ADGRB3: variants seen among roughly 807,000 people sequenced by gnomAD.
The protein encoded by ADGRB3 is brain-specific angiogenesis inhibitor 3.
ADGRB3 carries 37 observed loss-of-function variants against 193.4 expected under a neutral mutation model. The observed-to-expected ratio is 0.19, with a 90% confidence interval of 0.15 to 0.25. ADGRB3 has a LOEUF of 0.25. Among genes scored for constraint, ADGRB3 ranks in the 10% least tolerant of loss-of-function variants. The pLI is 1.00. For missense variants in ADGRB3, 1,637 were observed against 1,852.9 expected (o/e 0.88, Z 2.14); for synonymous variants, 690 against 644.2 (o/e 1.07, Z -1.08).
chr6:69,156,123 A>G (rs73467770), intron 17 of ADGRB3, among the ~76,000 whole-genome samples: 3,303 of 152,324 alleles, frequency 0.022, 121 homozygotes, highest in African/African-American at 0.071. Flanking sequence ...TTTTACATAA[A>G]TGAGAAACTT....
intron 17 of ADGRB3, among the ~76,000 whole-genome samples, chr6:69,089,935 T>C (rs999625682): frequency 1.3e-5 from 2 of 152,192 alleles, no homozygotes; most frequent in African/African-American, 4.8e-5. Flanking sequence ...GAACCATTGA[T>C]ATAGGGGAAC....
intron 17 of ADGRB3, among the ~76,000 whole-genome samples, chr6:69,200,969 T>C (rs918414648): frequency 1.3e-5 from 2 of 152,150 alleles, no homozygotes; most frequent in African/African-American, 4.8e-5. Flanking sequence ...AAAATAAATT[T>C]ATTTAATAAG....
chr6:69,006,087 C>CTCTTTAGAGA (rs1769741309), intron 11 of ADGRB3, among the ~76,000 whole-genome samples: 1 of 151,754 alleles, frequency 6.6e-6, no homozygotes, highest in Non-Finnish European at 1.5e-5. Flanking sequence ...ACCTAGAGCA[C>CTCTTTAGAGA]TCTTTAGAGA....
At chr6:69,288,689 G>A (rs551677823) in intron 20 of ADGRB3, among the ~76,000 whole-genome samples, 18 of 152,260 alleles carry the variant, frequency 1.2e-4, no homozygotes, top group African/African-American at 3.6e-4. Flanking sequence ...CTTCAACACT[G>A]GTGTACTTCC....
At chr6:68,895,558 C>T (rs1449491657) in intron 3 of ADGRB3, among the ~76,000 whole-genome samples, 1 of 151,954 alleles carries the variant, frequency 6.6e-6, no homozygotes, top group Admixed American at 6.6e-5. Flanking sequence ...GAAAATATTT[C>T]ATATCTTGAA....
rs182342850 is a variant in ADGRB3, at chr6:69,107,611, A to G, written c.2480+31573A>G. Among the ~76,000 whole-genome samples, 4 of 152,340 alleles carry G rather than the reference A, an allele frequency of 2.6e-5. No individual in the cohort carries two copies. The East Asian group carries it at 7.7e-4, about 29-fold the overall frequency. ...GTTAAAAAGTGGTAACCAAAGCATT[A>G]GTCACAATAACAAAGACAAGCAGTC... On this transcript the variant is annotated intron_variant, in intron 17 of 31. Transcript: ENST00000370598.
At chr6:68,677,681 C>T (rs143015082) in intron 3 of ADGRB3, among the ~76,000 whole-genome samples, 21 of 151,766 alleles carry the variant, frequency 1.4e-4, no homozygotes, top group South Asian at 4.2e-4. Context: ...ACACACTGGG[C>T]GAATTTTTGT....
At position 69,339,380 on chromosome 6, in the gene ADGRB3, C is replaced by T. The variant is rs772288051; in HGVS notation, c.3335C>T (p.Thr1112Met). 8 of 1,613,836 alleles carry T rather than the reference C, an allele frequency of 5.0e-6. No homozygotes were observed. The highest frequency in any genetic ancestry group is 3.3e-5 in the Admixed American group (2 of 59,984). The change falls in exon 26 of 32, where the codon ACG becomes ATG. Residue 1112 changes from threonine to methionine, a missense_variant. Thr to Met is a moderately conservative substitution (Grantham distance 81). Around this residue, in one of 7 missense-constraint regions of ADGRB3, gnomAD observed 116 missense variants for 168.1 expected, o/e 0.69. Coordinates refer to ENST00000370598, the MANE Select transcript of ADGRB3 (RefSeq NM_001704.3). ...SCVVLPLLAL[T>M]WMSAVLAMTD... ...GTGGTGTTGCCCCTTCTGGCTTTGA[C>T]GTGGATGTCTGCGGTTCTGGCCATG...
chr6:69,112,583 G>T (rs971334048), intron 17 of ADGRB3, among the ~76,000 whole-genome samples: 1 of 152,036 alleles, frequency 6.6e-6, no homozygotes, highest in Non-Finnish European at 1.5e-5. Context: ...CTATATCAAT[G>T]TGTGTGTATA....
At chr6:69,359,056 A>G (rs548314373) in intron 28 of ADGRB3, among the ~76,000 whole-genome samples, 6 of 151,880 alleles carry the variant, frequency 4.0e-5, no homozygotes, top group East Asian at 3.9e-4. Flanking sequence ...TAGAGTCAAT[A>G]CACAGTACCA....
In ADGRB3 at chr6:68,974,797, G is replaced by A; in HGVS notation, c.1560G>A (p.Met520Ile). Reference protein sequence around the residue: ...PYEICPEDYLMSMVWKRTPAG... With the variant: ...PYEICPEDYLISMVWKRTPAG... ...AAATATGCCCTGAGGATTATCTGAT[G>A]TCGATGGTGTGGAAAAGAACTCCAG... The change falls in exon 9 of 32, where the codon ATG becomes ATA. Residue 520 changes from methionine (M) to isoleucine (I), a missense_variant. Met to Ile is a conservative substitution (Grantham distance 10, BLOSUM62 1). Around this residue, in one of 7 missense-constraint regions of ADGRB3, gnomAD observed 641 missense variants for 673.9 expected, o/e 0.95. Transcript: ENST00000370598. 6.2e-7 allele frequency: 1 copy of A among 1,613,998 alleles called. No individual in the cohort carries two copies. The highest frequency in any genetic ancestry group is 8.5e-7 in the Non-Finnish European group (1 of 1,179,940).
chr6:68,748,056 T>C (rs1182419831), intron 3 of ADGRB3, among the ~76,000 whole-genome samples: 1 of 152,138 alleles, frequency 6.6e-6, no homozygotes, highest in African/African-American at 2.4e-5. Flanking sequence ...TGGAAAAGAC[T>C]GGCCTCCATG....
At chr6:69,326,210 T>A (rs2127310003) in intron 21 of ADGRB3, among the ~76,000 whole-genome samples, 1 of 152,218 alleles carries the variant, frequency 6.6e-6, no homozygotes, top group East Asian at 1.9e-4. Flanking sequence ...ACCACGACAC[T>A]CCAACTTGTG....
intron 17 of ADGRB3, among the ~76,000 whole-genome samples, chr6:69,111,245 A>G (rs1257635118): frequency 6.6e-6 from 1 of 152,206 alleles, no homozygotes; most frequent in Admixed American, 6.5e-5. Context: ...TCATCTCCCC[A>G]TATAAAGCTG....
At chr6:68,697,794 T>C (rs1251471453) in intron 3 of ADGRB3, among the ~76,000 whole-genome samples, 3 of 151,990 alleles carry the variant, frequency 2.0e-5, no homozygotes, top group African/African-American at 7.2e-5. Context: ...GACTAGCTCT[T>C]TGCTGTTGAA....
chr6:68,670,416 C>A (rs1022035684), intron 3 of ADGRB3, among the ~76,000 whole-genome samples: 3 of 151,882 alleles, frequency 2.0e-5, no homozygotes, highest in African/African-American at 7.2e-5. Flanking sequence ...AGATTTAAGT[C>A]TTTCATTCAT....
At chr6:68,912,875 G>C (rs537209760) in intron 3 of ADGRB3, among the ~76,000 whole-genome samples, 1 of 152,092 alleles carries the variant, frequency 6.6e-6, no homozygotes, top group Non-Finnish European at 1.5e-5. Context: ...GCGCTTTTCC[G>C]ATGGGCTTAA....
Position 69,098,916 on chromosome 6 carries a change from A to G in ADGRB3, c.2480+22878A>G, listed in dbSNP as rs527625309. On this transcript the variant is annotated intron_variant, in intron 17 of 31. Coordinates refer to ENST00000370598, the MANE Select transcript of ADGRB3 (RefSeq NM_001704.3). The stretch of plus-strand genomic sequence containing the variant: ...TTTATCCCATTTCAATGAAAATTTT[A>G]TCAGTGCCAACTAATTCTCTGAGAA... Among the ~76,000 whole-genome samples the G allele has an allele frequency of 2.0e-5, 3 of 152,326 alleles. No homozygotes were observed. The South Asian group carries it at 6.2e-4, about 32-fold the overall frequency.
chr6:68,821,051 G>A (rs2127380175), intron 3 of ADGRB3, among the ~76,000 whole-genome samples: 1 of 152,024 alleles, frequency 6.6e-6, no homozygotes, highest in Middle Eastern at 3.4e-3. Flanking sequence ...GTTTACCCAG[G>A]ATGTAAATTT....
Sources: gnomAD v4.1 joint callset for allele counts (sites outside exome capture counted in the v4.1 genomes callset) on GRCh38, gnomAD v4.1.1 for gene constraint, gnomAD v4.1.1 regional missense constraint, MANE v1.5 for transcripts, NCBI Gene and HGNC (gene_info 2026-07-23, HGNC 2026-07-21) for gene names.